Variants in HAUS2 observed in about 807,000 individuals in gnomAD.
HAUS2 encodes the protein HAUS augmin like complex subunit 2.
Under a neutral mutation model 21.6 loss-of-function variants are expected in HAUS2, and 20 were observed. The observed-to-expected ratio is 0.93, with a 90% CI of 0.65 to 1.35. HAUS2 has a LOEUF of 1.35. Among genes scored for constraint, HAUS2 ranks in the 40% most tolerant of loss-of-function variants. The probability of loss-of-function intolerance (pLI) is 0.00; values close to 1 mark genes in which losing one functional copy is unlikely to be tolerated. For synonymous variants in HAUS2, 113 were observed against 95.6 expected, an observed-to-expected ratio of 1.18 and a Z score of -1.06; for missense variants, 297 against 280.7, an observed-to-expected ratio of 1.06 and a Z score of -0.42.
chr15:42,560,204 G>C (rs1282816608), intron 3 of HAUS2, among the ~76,000 whole-genome samples: 1 of 152,148 alleles, frequency 6.6e-6, no homozygotes, highest in Admixed American at 6.6e-5. Flanking sequence ...GATACTTAGT[G>C]ATGTTTAAAT....
At chr15:42,553,637 C>T (rs1046563539) in intron 1 of HAUS2, among the ~76,000 whole-genome samples, 1 of 152,048 alleles carries the variant, frequency 6.6e-6, no homozygotes, top group Admixed American at 6.6e-5. Context: ...TTTTTGTTAT[C>T]TGCTTCTTAA....
At chr15:42,552,108 C>T (rs1194399680) in intron 1 of HAUS2, among the ~76,000 whole-genome samples, 1 of 152,014 alleles carries the variant, frequency 6.6e-6, no homozygotes, top group Non-Finnish European at 1.5e-5. Context: ...CTGCAACCTC[C>T]GCCTCCTTGG....
chr15:42,557,416 TAATGTATAC>T lies in HAUS2; in HGVS notation c.94-780_94-772del, dbSNP rs2057794113. Among the ~76,000 whole-genome samples the T allele has an allele frequency of 3.8e-5, 5 of 131,046 alleles. 1 individual carries two copies. Among genetic ancestry groups the T allele is most frequent in the Admixed American group, 8.5e-5 (1 of 11,796 alleles). The allele number at this position is 131,046 out of a possible 152,430, so 86.0% of individuals were successfully genotyped here. On this transcript the variant is annotated intron_variant, in intron 1 of 5. Coordinates refer to ENST00000260372, the MANE Select transcript of HAUS2 (RefSeq NM_018097.3). ...ATATATATTTTATATATACATTATATAATGTATACATTGTATATAATGTATATTATATAT... is the reference window on the plus strand; with the variant it reads ...ATATATATTTTATATATACATTATATATTGTATATAATGTATATTATATAT...
At chr15:42,566,193 A>G (rs567033598) in intron 5 of HAUS2, among the ~76,000 whole-genome samples, 17 of 151,182 alleles carry the variant, frequency 1.1e-4, no homozygotes, top group East Asian at 3.9e-4. Context: ...AGAGTGAGAC[A>G]CCATCTCAAA....
intron 5 of HAUS2, among the ~76,000 whole-genome samples, chr15:42,566,036 A>G (rs2057902279): frequency 1.3e-5 from 2 of 152,154 alleles, no homozygotes; most frequent in Non-Finnish European, 2.9e-5. Flanking sequence ...CCCCGTCTCT[A>G]CTAAAAATAC....
At chr15:42,556,377 C>T (rs2057775382) in intron 1 of HAUS2, among the ~76,000 whole-genome samples, 2 of 149,596 alleles carry the variant, frequency 1.3e-5, no homozygotes, top group Admixed American at 1.3e-4. Flanking sequence ...AATTCTCCTG[C>T]CTCAGCCTCC....
rs1566836730 is a variant in HAUS2, at chr15:42,566,628, G to A, written c.520G>A (p.Asp174Asn). The A allele has an allele frequency of 2.5e-6, 4 of 1,598,426 alleles. No individual in the cohort carries two copies. The highest frequency in any genetic ancestry group is 2.6e-6 in the Non-Finnish European group (3 of 1,165,872). Reference protein sequence around the residue: ...KKMNQALAKMDILVTETEELA... With the variant: ...KKMNQALAKMNILVTETEELA... ...ACAGAACCAGGCTTTAGCAAAGATG[G>A]ATATATTGGTGACTGAGACAGAAGA... The change falls in exon 6 of 6, where the codon GAT (aspartate) becomes AAT (asparagine). Residue 174 changes from aspartate to asparagine, a missense_variant. By Grantham distance (23) the Asp-to-Asn change is conservative (BLOSUM62 1). Transcript: ENST00000260372.
chr15:42,563,837 G>A lies in HAUS2; in HGVS notation c.478G>A (p.Ala160Thr), dbSNP rs2057876535. The A allele has an allele frequency of 2.7e-6, 4 of 1,508,754 alleles. No individual in the cohort carries two copies. The highest frequency in any genetic ancestry group is 3.7e-6 in the Non-Finnish European group (4 of 1,094,128). The allele number at this position is 1,508,754 out of a possible 1,614,324, so 93.5% of individuals were successfully genotyped here. ...AACAATTAGAAATATTCCTCATTTA[G>A]CTGCAAATCTAAAGAAAATGGTGAG... ...LETIRNIPHLAANLKKMNQAL... is the reference protein window; with the variant it reads ...LETIRNIPHLTANLKKMNQAL... Residue 160 changes from alanine to threonine, a missense_variant, in exon 5 of 6, where the codon GCT (alanine) becomes ACT (threonine). By Grantham distance (58) the Ala-to-Thr change is moderately conservative. Transcript: ENST00000260372.
At chr15:42,550,669 G>A (rs939958114) in intron 1 of HAUS2, among the ~76,000 whole-genome samples, 1 of 150,876 alleles carries the variant, frequency 6.6e-6, no homozygotes, top group African/African-American at 2.5e-5. Flanking sequence ...CTTCTCTCCT[G>A]TGTTTTCTTT....
chr15:42,550,943 A>G (rs1282471289), intron 1 of HAUS2, among the ~76,000 whole-genome samples: 1 of 151,100 alleles, frequency 6.6e-6, no homozygotes, highest in Non-Finnish European at 1.5e-5. Context: ...CTGGGATTAC[A>G]GGCGTGAGCC....
chr15:42,563,754 TG>T lies in HAUS2; in HGVS notation c.397del (p.Val133TyrfsTer8). The stretch of plus-strand genomic sequence containing the variant: ...CTTTTTTCTTTCTCTTTCAGATATA[TG>T]GTACATTTGCTGGAGTTGGCTGTGA... Reference protein sequence around the residue: ...LPIEAVYHRYMVHLLELAVTF... With the variant: ...LPIEAVYHRYXVHLLELAVTF... On this transcript the variant is annotated frameshift_variant, in exon 5 of 6. Coordinates refer to ENST00000260372, the MANE Select transcript of HAUS2 (RefSeq NM_018097.3). LOFTEE classifies it high-confidence loss of function. The T allele has an allele frequency of 6.7e-7, 1 of 1,484,610 alleles. No individual in the cohort carries two copies. Among genetic ancestry groups the T allele is most frequent in the Non-Finnish European group, 9.4e-7 (1 of 1,064,374 alleles). The allele number at this position is 1,484,610 out of a possible 1,614,324, so 92.0% of individuals were successfully genotyped here.
chr15:42,550,053 G>A (rs1023070370), intron 1 of HAUS2, among the ~76,000 whole-genome samples: 1 of 151,964 alleles, frequency 6.6e-6, no homozygotes, highest in African/African-American at 2.4e-5. Flanking sequence ...TATAGAGGAA[G>A]TTGAGAAATT....
chr15:42,554,894 C>T (rs1345103479), intron 1 of HAUS2, among the ~76,000 whole-genome samples: 1 of 151,952 alleles, frequency 6.6e-6, no homozygotes. Context: ...GTAGCATGAT[C>T]ACAGCTCACT....
At chr15:42,552,489 CCTA>C (rs2057735925) in intron 1 of HAUS2, among the ~76,000 whole-genome samples, 1 of 152,042 alleles carries the variant, frequency 6.6e-6, no homozygotes, top group Admixed American at 6.6e-5. Context: ...TTGAGTGATT[CCTA>C]AAATTGTGAT....
intron 1 of HAUS2, among the ~76,000 whole-genome samples, chr15:42,556,617 A>C (rs899556710): frequency 6.6e-6 from 1 of 152,118 alleles, no homozygotes; most frequent in Non-Finnish European, 1.5e-5. Context: ...AAAATATAAA[A>C]ACCATGCCTG....
At chr15:42,551,691 A>G (rs757178157) in intron 1 of HAUS2, among the ~76,000 whole-genome samples, 66 of 152,156 alleles carry the variant, frequency 4.3e-4, no homozygotes, top group Non-Finnish European at 7.9e-4. Flanking sequence ...TCTAAAGAGC[A>G]TTGGTAGGAA....
Position 42,556,261 on chromosome 15 carries a change from C to CTTTTTT in HAUS2, c.94-1919_94-1914dup, listed in dbSNP as rs1200353279. Among the ~76,000 whole-genome samples the CTTTTTT allele has an allele frequency of 1.0e-3, 77 of 76,300 alleles. 5 individuals carry two copies. Among genetic ancestry groups the CTTTTTT allele is most frequent in the African/African-American group, 2.7e-3 (44 of 16,006 alleles). 50.1% of individuals were successfully genotyped at this position (76,300 alleles called of 152,430 possible). A position where few individuals can be genotyped will look rare whatever the true frequency, so the allele number is the denominator to read the frequency against. On this transcript the variant is annotated intron_variant, in intron 1 of 5. Transcript: ENST00000260372. Reference sequence around the variant, plus strand: ...ACAGGTGTGAGCCACTGCGCCCAGGCTTTTTTTTTTTTTTTTTTTTTTTGA... The same window carrying CTTTTTT: ...ACAGGTGTGAGCCACTGCGCCCAGGCTTTTTTTTTTTTTTTTTTTTTTTTTTTTTGA...
chr15:42,548,850 T>C lies in HAUS2; in HGVS notation c.-23T>C, dbSNP rs1452641025. ...TGCGATCCCGCTCACTCTTGGCGCCTTCGCGGAAGGTGCGTCCGAGCCATG... is the reference window on the plus strand; with the variant it reads ...TGCGATCCCGCTCACTCTTGGCGCCCTCGCGGAAGGTGCGTCCGAGCCATG... On this transcript the variant is annotated 5_prime_UTR_variant, in exon 1 of 6. Transcript: ENST00000260372. 1 of 1,537,618 alleles carries C rather than the reference T, an allele frequency of 6.5e-7. No homozygotes were observed. Among genetic ancestry groups the C allele is most frequent in the Non-Finnish European group, 8.8e-7 (1 of 1,137,278 alleles).
In HAUS2 at chr15:42,563,828, C is replaced by G. The variant is rs769024048; in HGVS notation, c.469C>G (p.Pro157Ala). The G allele has an allele frequency of 2.0e-6, 3 of 1,532,560 alleles. No individual in the cohort carries two copies. The South Asian group carries it at 3.5e-5, about 18-fold the overall frequency. The allele number at this position is 1,532,560 out of a possible 1,614,324, so 94.9% of individuals were successfully genotyped here. Residue 157 changes from proline to alanine, a missense_variant, in exon 5 of 6, where the codon CCT (proline) becomes GCT (alanine). Transcript: ENST00000260372. ...CCACCTTGAAACAATTAGAAATATT[C>G]CTCATTTAGCTGCAAATCTAAAGAA... ...ETHLETIRNI[P>A]HLAANLKKMN...
Sources: allele counts gnomAD v4.1 joint callset (sites outside exome capture counted in the v4.1 genomes callset), GRCh38; gene constraint gnomAD v4.1.1; transcripts MANE v1.5; gene names NCBI Gene and HGNC (gene_info 2026-07-23, HGNC 2026-07-21).